The following HTRA3 variants were observed in gnomAD, a reference collection of about 807,000 sequenced individuals.
HTRA3 encodes the protein HtrA serine peptidase 3, also known as serine protease HTRA3.
Under a neutral mutation model 43.2 loss-of-function variants are expected in HTRA3, and 41 were observed. The ratio of observed to expected loss-of-function variants is 0.95; its 90% CI spans 0.74 to 1.23. HTRA3 has a LOEUF of 1.23. Ranked by LOEUF, HTRA3 falls within the 50% of genes most tolerant of loss-of-function variation. The pLI, the probability that HTRA3 is intolerant of heterozygous loss-of-function variation, is 0.00. For missense variants in HTRA3, 628 were observed against 647.1 expected, an observed-to-expected ratio of 0.97 and a Z score of 0.32; for synonymous variants, 295 against 287.9, an observed-to-expected ratio of 1.02 and a Z score of -0.25.
rs116612229 is a variant in HTRA3, at chr4:8,270,650, G to A, written c.385+297G>A. On this transcript the variant is annotated intron_variant, in intron 1 of 8. Coordinates refer to ENST00000307358, the MANE Select transcript of HTRA3 (RefSeq NM_053044.5). ...CTGGTCTCTTCAGAACTGATGTCTC[G>A]TGCCCATTCCCTTGATCCTTGGACC... Among the ~76,000 whole-genome samples the A allele has an allele frequency of 7.4e-3, 1,131 of 152,276 alleles. 9 individuals carry two copies. The highest frequency in any genetic ancestry group is 0.034 in the Middle Eastern group (10 of 294).
At chr4:8,301,085 CA>C (rs2153007138) in intron 6 of HTRA3, among the ~76,000 whole-genome samples, 1 of 150,752 alleles carries the variant, frequency 6.6e-6, no homozygotes, top group South Asian at 2.1e-4. Flanking sequence ...TATTGATTCA[CA>C]CCCATCTTTA....
Position 8,286,810 on chromosome 4 carries a change from A to C in HTRA3, c.708+27A>C. 6.4e-7 allele frequency: 1 copy of C among 1,561,334 alleles called. No individual in the cohort carries two copies. The highest frequency in any genetic ancestry group is 8.8e-7 in the Non-Finnish European group (1 of 1,136,322). ...TGGGTGGGCGTGGGTGGAGGGGCGGAAGCACCTGGGGCTGGGCATGGTGGC... is the reference window on the plus strand; with the variant it reads ...TGGGTGGGCGTGGGTGGAGGGGCGGCAGCACCTGGGGCTGGGCATGGTGGC... On this transcript the variant is annotated intron_variant, in intron 3 of 8. Coordinates refer to ENST00000307358, the MANE Select transcript of HTRA3 (RefSeq NM_053044.5). The surrounding 1 kb of genome is among the most constrained non-coding windows in gnomAD (Gnocchi z 4.9).
At chr4:8,300,959 TTTA>T (rs754420998) in intron 6 of HTRA3, among the ~76,000 whole-genome samples, 23 of 152,048 alleles carry the variant, frequency 1.5e-4, no homozygotes, top group Admixed American at 4.6e-4. Context: ...CACACTCAGC[TTTA>T]TTATTGAGTC....
rs933651656 is a variant in HTRA3 at position 8,286,426 on chromosome 4, C to T, written c.486-135C>T. The T allele has an allele frequency of 8.1e-6, 6 of 736,236 alleles. No homozygotes were observed. Among genetic ancestry groups the T allele is most frequent in the East Asian group, 7.5e-5 (3 of 39,768 alleles). The allele number at this position is 736,236 out of a possible 1,614,324, so 45.6% of individuals were successfully genotyped here. On this transcript the variant is annotated intron_variant, in intron 2 of 8. Transcript: ENST00000307358. This position sits in a 1 kb window ranked among gnomAD's most constrained non-coding sequence, Gnocchi z 4.9. ...CACAGGGCCAGGATTCAAATGGGAGCTTGAGGGACTCCAGACCTGTGTTCT... is the reference window on the plus strand; with the variant it reads ...CACAGGGCCAGGATTCAAATGGGAGTTTGAGGGACTCCAGACCTGTGTTCT...
chr4:8,276,494 G>T (rs113005913), intron 1 of HTRA3, among the ~76,000 whole-genome samples: 5,893 of 152,326 alleles, frequency 0.039, 376 homozygotes, highest in African/African-American at 0.13. Flanking sequence ...GCCATGTGCT[G>T]GCCCTGCCGG....
At chr4:8,290,039 C>G (rs60263323) in intron 3 of HTRA3, among the ~76,000 whole-genome samples, 3 of 152,208 alleles carry the variant, frequency 2.0e-5, no homozygotes, top group Non-Finnish European at 4.4e-5. Flanking sequence ...AGATTTCAGA[C>G]GTTATTTCTG....
intron 2 of HTRA3, among the ~76,000 whole-genome samples, chr4:8,285,989 G>A (rs1266996147): frequency 2.0e-5 from 3 of 152,206 alleles, no homozygotes; most frequent in East Asian, 3.9e-4. Flanking sequence ...AGCCTCTGGG[G>A]AGCCTCCCTT....
intron 1 of HTRA3, among the ~76,000 whole-genome samples, chr4:8,272,578 AC>A: frequency 6.6e-6 from 1 of 152,122 alleles, no homozygotes; most frequent in Non-Finnish European, 1.5e-5. Context: ...CTGATGGGCA[AC>A]CCCCAGACCA....
rs1712966497 is a variant in HTRA3 at position 8,286,359 on chromosome 4, T to C, written c.486-202T>C. ...CGAGAGGTGATCATCATCACCTCTTTATGGCTGTGAATGGGTGCAGGCGCC... is the reference window on the plus strand; with the variant it reads ...CGAGAGGTGATCATCATCACCTCTTCATGGCTGTGAATGGGTGCAGGCGCC... On this transcript the variant is annotated intron_variant, in intron 2 of 8. Coordinates refer to ENST00000307358, the MANE Select transcript of HTRA3 (RefSeq NM_053044.5). This position sits in a 1 kb window ranked among gnomAD's most constrained non-coding sequence, Gnocchi z 4.9. 6.6e-6 allele frequency among the ~76,000 whole-genome samples: 1 copy of C among 152,110 alleles called. No individual in the cohort carries two copies. Among genetic ancestry groups the C allele is most frequent in the Admixed American group, 6.5e-5 (1 of 15,282 alleles).
intron 8 of HTRA3, among the ~76,000 whole-genome samples, chr4:8,305,150 C>T (rs902748863): frequency 1.3e-5 from 2 of 152,192 alleles, no homozygotes; most frequent in African/African-American, 2.4e-5. Context: ...TGGGAAAAAT[C>T]CACATATAAG....
Position 8,286,553 on chromosome 4 carries a change from G to A in HTRA3, c.486-8G>A, listed in dbSNP as rs1477959224. ...CCTAAATGCCCGCCTGTGTCTCCCT[G>A]GCTGCAGACACCCGCTGTTTGGCCG... is the stretch of plus-strand genomic sequence containing the variant. On this transcript the variant is annotated splice_region_variant and splice_polypyrimidine_tract_variant and intron_variant, in intron 2 of 8. Coordinates refer to ENST00000307358, the MANE Select transcript of HTRA3 (RefSeq NM_053044.5). The surrounding 1 kb of genome is among the most constrained non-coding windows in gnomAD (Gnocchi z 4.9). The A allele has an allele frequency of 1.2e-6, 2 of 1,612,118 alleles. No individual in the cohort carries two copies. The highest frequency in any genetic ancestry group is 2.7e-5 in the African/African-American group (2 of 74,880).
Position 8,286,694 on chromosome 4 carries a change from G to A in HTRA3, c.619G>A (p.Val207Met), listed in dbSNP as rs758686235. 1.2e-6 allele frequency: 2 copies of A among 1,614,188 alleles called. No homozygotes were observed. The highest frequency in any genetic ancestry group is 2.2e-5 in the South Asian group (2 of 91,080). Reference protein sequence around the residue: ...SAAPGRQQLKVQLQNGDSYEA... With the variant: ...SAAPGRQQLKMQLQNGDSYEA... ...TGCCCCGGGCAGGCAGCAGCTCAAG[G>A]TGCAGCTACAGAATGGGGACTCCTA... The change falls in exon 3 of 9, where the codon GTG becomes ATG. Residue 207 changes from valine (V) to methionine (M), a missense_variant. Physicochemically the swap from Val to Met is conservative, Grantham distance 21. Transcript: ENST00000307358. This position sits in a 1 kb window ranked among gnomAD's most constrained non-coding sequence, Gnocchi z 4.9.
chr4:8,291,641 G>A (rs1035106209), intron 4 of HTRA3, 77 bp downstream of exon 4: 6 of 1,137,458 alleles, frequency 5.3e-6, no homozygotes, highest in South Asian at 3.2e-5. Context: ...TCTCTGACTC[G>A]GCTTGCCCCC....
At position 8,291,329 on chromosome 4, in the gene HTRA3, G is replaced by A. The variant is rs369857766; in HGVS notation, c.709-41G>A. On this transcript the variant is annotated intron_variant, in intron 3 of 8. Transcript: ENST00000307358. Reference sequence around the variant, plus strand: ...CTCCGGTCCCCGCTGAAGGTAGACGGCTAAGCCTCCCTCTCTGTGTCTTCT... The same window carrying A: ...CTCCGGTCCCCGCTGAAGGTAGACGACTAAGCCTCCCTCTCTGTGTCTTCT... The A allele has an allele frequency of 5.7e-6, 9 of 1,568,788 alleles. No individual in the cohort carries two copies. In the African/African-American group the frequency reaches 1.2e-4, roughly 21 times the overall value.
intron 7 of HTRA3, among the ~76,000 whole-genome samples, chr4:8,302,794 C>T (rs905523496): frequency 2.0e-5 from 3 of 152,236 alleles, no homozygotes; most frequent in African/African-American, 7.2e-5. Context: ...TGTGTTCCCT[C>T]TCAGTTCTGG....
chr4:8,278,638 C>G (rs1475714651), intron 1 of HTRA3, among the ~76,000 whole-genome samples: 2 of 152,128 alleles, frequency 1.3e-5, no homozygotes, highest in African/African-American at 4.8e-5. Context: ...ACGGGGGCCC[C>G]TGCCCCCACC....
In HTRA3 at chr4:8,295,773, A is replaced by G; in HGVS notation, c.1051+1572A>G. On this transcript the variant is annotated intron_variant, in intron 6 of 8. Transcript: ENST00000307358. This position sits in a 1 kb window ranked among gnomAD's most constrained non-coding sequence, Gnocchi z 6.9. ...CTCCATGACCCCGTCAGCCAAGCACATGGACCCCAGTGCAGCCAAGGCTGG... is the reference window on the plus strand; with the variant it reads ...CTCCATGACCCCGTCAGCCAAGCACGTGGACCCCAGTGCAGCCAAGGCTGG... 2 of 1,287,792 alleles carry G rather than the reference A, an allele frequency of 1.6e-6. No homozygotes were observed. The highest frequency in any genetic ancestry group is 2.5e-5 in the South Asian group (1 of 40,382). The allele number at this position is 1,287,792 out of a possible 1,614,324, so 79.8% of individuals were successfully genotyped here. A position where few individuals can be genotyped will look rare whatever the true frequency, so the allele number is the denominator to read the frequency against.
intron 8 of HTRA3, among the ~76,000 whole-genome samples, chr4:8,305,648 T>G (rs1463744253): frequency 2.0e-5 from 3 of 152,256 alleles, no homozygotes. Flanking sequence ...ATTTGCAAAG[T>G]GCGTTTCCAC....
chr4:8,305,909 G>A (rs566730720), intron 8 of HTRA3, 62 bp from the exon 9 acceptor site: 30 of 1,590,542 alleles, frequency 1.9e-5, no homozygotes, highest in African/African-American at 2.7e-5. Context: ...GCTCTGGGCC[G>A]GGCCTGGGAA....
Sources: gnomAD v4.1 joint callset for allele counts (sites outside exome capture counted in the v4.1 genomes callset) on GRCh38, gnomAD v4.1.1 for gene constraint, Gnocchi (gnomAD v3.1) non-coding constraint, MANE v1.5 for transcripts, NCBI Gene and HGNC (gene_info 2026-07-23, HGNC 2026-07-21) for gene names.